The following SGPP2 variants were observed in gnomAD, a reference collection of about 807,000 sequenced individuals.
The protein encoded by SGPP2 is sphingosine 1-phosphate phosphohydrolase 2.
In SGPP2, 30 loss-of-function variants were observed where a neutral mutation model predicts 33.9. The observed-to-expected ratio is 0.89, with a 90% CI of 0.66 to 1.20. SGPP2 has a LOEUF of 1.20. Ranked by LOEUF, SGPP2 falls within the 50% of genes most tolerant of loss-of-function variation. The pLI is 0.00. For synonymous variants in SGPP2, 233 were observed against 225.0 expected (o/e 1.04, Z -0.32); for missense variants, 458 against 532.1 (o/e 0.86, Z 1.37).
chr2:222,503,642 C>A (rs1698399886), intron 2 of SGPP2, among the ~76,000 whole-genome samples: 1 of 152,076 alleles, frequency 6.6e-6, no homozygotes, highest in Non-Finnish European at 1.5e-5. Flanking sequence ...GTTTTATTTT[C>A]TTAACTGCAC....
chr2:222,436,539 T>C (rs1486095524), intron 1 of SGPP2, among the ~76,000 whole-genome samples: 1 of 152,124 alleles, frequency 6.6e-6, no homozygotes, highest in African/African-American at 2.4e-5. Flanking sequence ...TCCAGGTGCT[T>C]CAGGATGATG....
In SGPP2 at chr2:222,477,151, CTG is replaced by C. The variant is rs772044495; in HGVS notation, c.378+2435_378+2436del. On this transcript the variant is annotated intron_variant, in intron 2 of 4. Coordinates refer to ENST00000321276, the MANE Select transcript of SGPP2 (RefSeq NM_152386.4). The surrounding 1 kb of genome is among the most constrained non-coding windows in gnomAD (Gnocchi z 6.0). ...TGTGTGTATATAGGTGTGTATATAT[CTG>C]TGTGTGTGTATAGGTGTGTGTATAT... Among the ~76,000 whole-genome samples, 67 of 134,390 alleles carry C rather than the reference CTG, an allele frequency of 5.0e-4. No homozygotes were observed. The highest frequency in any genetic ancestry group is 1.2e-3 in the African/African-American group (43 of 35,722). The allele number at this position is 134,390 out of a possible 152,430, so 88.2% of individuals were successfully genotyped here. A position where few individuals can be genotyped will look rare whatever the true frequency, so the allele number is the denominator to read the frequency against.
intron 2 of SGPP2, among the ~76,000 whole-genome samples, chr2:222,516,901 T>C (rs1359705404): frequency 6.6e-6 from 1 of 152,220 alleles, no homozygotes; most frequent in Non-Finnish European, 1.5e-5. Context: ...CTCATTTAAT[T>C]CTCCTAACAA....
chr2:222,433,760 T>C (rs1697194053), intron 1 of SGPP2, among the ~76,000 whole-genome samples: 1 of 152,232 alleles, frequency 6.6e-6, no homozygotes, highest in African/African-American at 2.4e-5. Flanking sequence ...GATTAATGAA[T>C]AACTTTTTAA....
At chr2:222,431,056 T>G (rs1026757220) in intron 1 of SGPP2, among the ~76,000 whole-genome samples, 1 of 152,140 alleles carries the variant, frequency 6.6e-6, no homozygotes, top group East Asian at 1.9e-4. Flanking sequence ...TGTATCAATA[T>G]TGTAACAAAT....
chr2:222,462,483 G>T (rs745820612), intron 1 of SGPP2, among the ~76,000 whole-genome samples: 1 of 152,256 alleles, frequency 6.6e-6, no homozygotes, highest in Middle Eastern at 3.4e-3. Flanking sequence ...AGAATGGGTG[G>T]ATGAGGAAGT....
At chr2:222,521,702 G>A in intron 2 of SGPP2, 65 bp from the exon 3 acceptor site, 2 of 1,532,144 alleles carry the variant, frequency 1.3e-6, no homozygotes, top group Non-Finnish European at 1.8e-6. Flanking sequence ...ATATATCCAT[G>A]ACATTTGGAA....
chr2:222,560,626 C>T lies in SGPP2; in HGVS notation c.*1728C>T, dbSNP rs1469534128. The T allele has an allele frequency of 6.6e-6, 1 of 152,156 alleles. No individual in the cohort carries two copies. Among genetic ancestry groups the T allele is most frequent in the Non-Finnish European group, 1.5e-5 (1 of 68,026 alleles). 9.4% of individuals were successfully genotyped at this position (152,156 alleles called of 1,614,324 possible). On this transcript the variant is annotated 3_prime_UTR_variant, in exon 5 of 5. Transcript: ENST00000321276. ...GAAGTTTAGTGCCTGTAGGACTGAG[C>T]CAGTGCTTTATCAACCCAACACATC...
At chr2:222,495,621 T>C (rs1332476717) in intron 2 of SGPP2, among the ~76,000 whole-genome samples, 1 of 152,152 alleles carries the variant, frequency 6.6e-6, no homozygotes, top group East Asian at 1.9e-4. Flanking sequence ...CCACTCTTTT[T>C]TGTGTTCCAA....
At chr2:222,522,268 A>G (rs998609967) in intron 3 of SGPP2, among the ~76,000 whole-genome samples, 3 of 152,194 alleles carry the variant, frequency 2.0e-5, no homozygotes, top group African/African-American at 7.2e-5. Context: ...CAGTGCTTGA[A>G]TTAGTGCTCT....
intron 1 of SGPP2, among the ~76,000 whole-genome samples, chr2:222,431,981 T>A (rs1697164265): frequency 6.6e-6 from 1 of 152,110 alleles, no homozygotes; most frequent in Non-Finnish European, 1.5e-5. Context: ...ATGAAGAAAT[T>A]GGTGTGATAA....
At chr2:222,482,440 A>T (rs192292077) in intron 2 of SGPP2, among the ~76,000 whole-genome samples, 236 of 152,310 alleles carry the variant, frequency 1.5e-3, no homozygotes, top group African/African-American at 5.5e-3. Flanking sequence ...TGTGGTACCC[A>T]GGCTTGAGTA....
intron 1 of SGPP2, among the ~76,000 whole-genome samples, chr2:222,463,422 C>T (rs1258853447): frequency 1.3e-5 from 2 of 152,080 alleles, no homozygotes. Context: ...AGTTCAAGAA[C>T]ATAGTAAGGC....
chr2:222,456,054 G>A, intron 1 of SGPP2, among the ~76,000 whole-genome samples: 1 of 152,140 alleles, frequency 6.6e-6, no homozygotes. Context: ...ACTCCAGTCT[G>A]GGCAATAGAG....
intron 1 of SGPP2, among the ~76,000 whole-genome samples, chr2:222,461,947 G>C (rs1393888928): frequency 6.6e-6 from 1 of 152,122 alleles, no homozygotes; most frequent in Admixed American, 6.6e-5. Flanking sequence ...CCAAAGTATA[G>C]AGAACTTGGC....
intron 4 of SGPP2, 27 bp downstream of exon 4, chr2:222,525,060 GTGA>G: frequency 1.3e-6 from 2 of 1,557,396 alleles, no homozygotes; most frequent in South Asian, 2.3e-5. Flanking sequence ...AGGTCTTGTG[GTGA>G]TTGTTTGAAT....
At chr2:222,492,692 C>T (rs981503922) in intron 2 of SGPP2, among the ~76,000 whole-genome samples, 2 of 152,258 alleles carry the variant, frequency 1.3e-5, no homozygotes, top group Non-Finnish European at 2.9e-5. Context: ...CTGCAGCCAG[C>T]TTGAATTTTT....
chr2:222,492,776 C>T lies in SGPP2; in HGVS notation c.378+18050C>T, dbSNP rs1698217877. On this transcript the variant is annotated intron_variant, in intron 2 of 4. Coordinates refer to ENST00000321276, the MANE Select transcript of SGPP2 (RefSeq NM_152386.4). The stretch of plus-strand genomic sequence containing the variant: ...TTTCCAAACTTTTATGCTCTGCTTC[C>T]CTTTTAAACATAAGTTCCAATTTCA... Among the ~76,000 whole-genome samples, 3 of 152,206 alleles carry T rather than the reference C, an allele frequency of 2.0e-5. No homozygotes were observed. The South Asian group carries it at 6.2e-4, about 31-fold the overall frequency.
chr2:222,471,504 C>A (rs2106093531), intron 1 of SGPP2, among the ~76,000 whole-genome samples: 1 of 151,792 alleles, frequency 6.6e-6, no homozygotes, highest in Non-Finnish European at 1.5e-5. Context: ...AATTTATTCC[C>A]CCAAATTGTG....
Sources: gnomAD v4.1 joint callset for allele counts (sites outside exome capture counted in the v4.1 genomes callset) on GRCh38, gnomAD v4.1.1 for gene constraint, Gnocchi (gnomAD v3.1) non-coding constraint, MANE v1.5 for transcripts, NCBI Gene and HGNC (gene_info 2026-07-23, HGNC 2026-07-21) for gene names.